The following GON4L variants were observed in gnomAD, a reference collection of about 807,000 sequenced individuals.
The protein encoded by GON4L is GON-4-like protein.
Under a neutral mutation model 211.8 loss-of-function variants are expected in GON4L, and 87 were observed. The ratio of observed to expected loss-of-function variants is 0.41; its 90% CI spans 0.35 to 0.49. The LOEUF is 0.49. GON4L is among the 20% of genes least tolerant of loss of function. GON4L has a pLI of 0.15. For synonymous variants in GON4L, 875 were observed against 962.6 expected, an observed-to-expected ratio of 0.91 and a Z score of 1.68; for missense variants, 2,155 against 2,659.5, an observed-to-expected ratio of 0.81 and a Z score of 4.17.
At chr1:155,780,035 G>A (rs1557854988) in intron 14 of GON4L, among the ~76,000 whole-genome samples, 1 of 151,474 alleles carries the variant, frequency 6.6e-6, no homozygotes, top group Non-Finnish European at 1.5e-5. Flanking sequence ...CTGACCTAAA[G>A]TGATCCACCT....
intron 2 of GON4L, among the ~76,000 whole-genome samples, chr1:155,836,069 C>A (rs1670264161): frequency 6.6e-6 from 1 of 152,060 alleles, no homozygotes. Context: ...CAGAGCAAAA[C>A]CCCGGCTCTA....
At chr1:155,788,441 A>C (rs1665176774) in intron 12 of GON4L, among the ~76,000 whole-genome samples, 1 of 152,206 alleles carries the variant, frequency 6.6e-6, no homozygotes, top group African/African-American at 2.4e-5. Flanking sequence ...TTTGTCTCCT[A>C]TACAGCTGAC....
chr1:155,775,709 T>G (rs1354063515), intron 16 of GON4L, among the ~76,000 whole-genome samples: 1 of 152,146 alleles, frequency 6.6e-6, no homozygotes, highest in Non-Finnish European at 1.5e-5. Flanking sequence ...TCCAGCCACC[T>G]CAGCCTACCA....
chr1:155,849,635 G>A (rs1671587109), intron 2 of GON4L, among the ~76,000 whole-genome samples: 1 of 150,822 alleles, frequency 6.6e-6, no homozygotes, highest in African/African-American at 2.4e-5. Flanking sequence ...TTAGCCGGGT[G>A]TGGTGGTGGG....
At chr1:155,800,722 C>T (rs976481716) in intron 11 of GON4L, among the ~76,000 whole-genome samples, 5 of 151,680 alleles carry the variant, frequency 3.3e-5, no homozygotes, top group South Asian at 4.2e-4. Context: ...CATGGTAGCG[C>T]GTACCTGTAG....
chr1:155,818,090 T>C (rs930562282), intron 6 of GON4L, among the ~76,000 whole-genome samples: 7 of 151,990 alleles, frequency 4.6e-5, no homozygotes, highest in African/African-American at 9.6e-5. Flanking sequence ...GGATTTTTTT[T>C]CCCCAAATCA....
At chr1:155,757,371 G>C (rs781217093) in intron 25 of GON4L, 48 bp from the exon 26 acceptor site, 1 of 1,565,226 alleles carries the variant, frequency 6.4e-7, no homozygotes, top group African/African-American at 1.4e-5. Context: ...AGCCTCTCTA[G>C]GCTGCCCTTC....
chr1:155,846,053 C>T (rs1378970527), intron 2 of GON4L: 1 of 215,862 alleles, frequency 4.6e-6, no homozygotes, highest in East Asian at 1.1e-4. Context: ...CATCTATCAG[C>T]TGCAGGTCTT....
chr1:155,752,992 G>A (rs1165323059), intron 29 of GON4L, among the ~76,000 whole-genome samples: 2 of 152,180 alleles, frequency 1.3e-5, no homozygotes, highest in African/African-American at 4.8e-5. Flanking sequence ...TGAATTGCAT[G>A]AAATTTGTGG....
In GON4L at chr1:155,766,415, T is replaced by C; in HGVS notation, c.3058A>G (p.Lys1020Glu). The C allele has an allele frequency of 6.2e-7, 1 of 1,614,110 alleles. No homozygotes were observed. ...GAATGAGTTGATCGGGCTGGTGTTTTCCCAGGGTTGAAGCTGGGCTGGAGA... is the reference window on the plus strand; with the variant it reads ...GAATGAGTTGATCGGGCTGGTGTTTCCCCAGGGTTGAAGCTGGGCTGGAGA... ...PSLQPSFNPGKTPARSTHSEA... is the reference protein window; with the variant it reads ...PSLQPSFNPGETPARSTHSEA... The change falls in exon 21 of 32, where the codon AAA (lysine) becomes GAA (glutamate). Residue 1020 changes from lysine (K) to glutamate (E), a missense_variant. By Grantham distance (56) the Lys-to-Glu change is moderately conservative. This residue lies in a region of GON4L where 615 missense variants were observed against 625.7 expected (regional missense o/e 0.98). Coordinates refer to ENST00000368331, the MANE Select transcript of GON4L (RefSeq NM_001282860.2).
Position 155,753,146 on chromosome 1 carries a change from C to G in GON4L, c.5842+58G>C, listed in dbSNP as rs546959682. ...TATCCAGGCTCATGGAGGTTCCTGT[C>G]TGGAGTACAGGATAACGAGACTGAG... On this transcript the variant is annotated intron_variant, in intron 29 of 31. Transcript: ENST00000368331. 2.7e-5 allele frequency: 35 copies of G among 1,304,374 alleles called. No homozygotes were observed. In the African/African-American group the frequency reaches 3.8e-4, roughly 14 times the overall value. The allele number at this position is 1,304,374 out of a possible 1,614,324, so 80.8% of individuals were successfully genotyped here.
chr1:155,823,620 C>T (rs959930527), intron 3 of GON4L, among the ~76,000 whole-genome samples: 7 of 152,120 alleles, frequency 4.6e-5, no homozygotes, highest in South Asian at 2.1e-4. Flanking sequence ...TGAGGCTGGA[C>T]GCAGTGGCTC....
chr1:155,849,340 C>T (rs1028639106), intron 2 of GON4L, among the ~76,000 whole-genome samples: 1 of 151,658 alleles, frequency 6.6e-6, no homozygotes, highest in Non-Finnish European at 1.5e-5. Flanking sequence ...GTTAGGAGAT[C>T]GAGACCATCC....
intron 10 of GON4L, among the ~76,000 whole-genome samples, chr1:155,808,292 G>C (rs993782814): frequency 6.6e-6 from 1 of 152,104 alleles, no homozygotes; most frequent in African/African-American, 2.4e-5. Context: ...ACCCGCCTCG[G>C]CCTCCCAAAG....
intron 2 of GON4L, among the ~76,000 whole-genome samples, chr1:155,827,637 G>A (rs1473717444): frequency 1.3e-5 from 2 of 150,808 alleles, no homozygotes; most frequent in African/African-American, 2.4e-5. Context: ...AGGGAGATAC[G>A]ATTCCACCAC....
intron 12 of GON4L, among the ~76,000 whole-genome samples, chr1:155,786,798 G>A (rs1172734795): frequency 6.6e-6 from 1 of 152,084 alleles, no homozygotes; most frequent in Non-Finnish European, 1.5e-5. Flanking sequence ...AATAGAGGCA[G>A]CATGTTGCTA....
downstream of GON4L, chr1:155,749,194 G>C: frequency 7.9e-7 from 1 of 1,259,948 alleles, no homozygotes; most frequent in Non-Finnish European, 1.1e-6. Context: ...GGAGGTTGCA[G>C]TGAGCCGAGA....
chr1:155,782,784 T>A (rs1337435819), intron 14 of GON4L, among the ~76,000 whole-genome samples: 1 of 152,058 alleles, frequency 6.6e-6, no homozygotes, highest in Non-Finnish European at 1.5e-5. Flanking sequence ...CTCAGCCTCC[T>A]GAGTAGCTGG....
intron 2 of GON4L, among the ~76,000 whole-genome samples, chr1:155,843,641 T>C (rs1557925652): frequency 6.6e-6 from 1 of 151,984 alleles, no homozygotes; most frequent in Non-Finnish European, 1.5e-5. Context: ...CCCAAGGCCA[T>C]GGGAGGGCAA....
Sources: gnomAD v4.1 joint callset for allele counts (sites outside exome capture counted in the v4.1 genomes callset) on GRCh38, gnomAD v4.1.1 for gene constraint, gnomAD v4.1.1 regional missense constraint, MANE v1.5 for transcripts, NCBI Gene and HGNC (gene_info 2026-07-23, HGNC 2026-07-21) for gene names.